Variants in FHL5 observed in about 807,000 individuals in gnomAD.
The protein encoded by FHL5 is four and a half LIM domains 5.
Under a neutral mutation model 32.0 loss-of-function variants are expected in FHL5, and 33 were observed. That is an observed-to-expected ratio of 1.03 (90% confidence interval 0.78 to 1.38). FHL5 has a LOEUF of 1.38. Ranked by LOEUF, FHL5 falls within the 40% of genes most tolerant of loss-of-function variation. The pLI is 0.00. For missense variants in FHL5, 336 were observed against 343.9 expected (o/e 0.98, Z 0.18); for synonymous variants, 114 against 113.6 (o/e 1.00, Z -0.02).
intron 1 of FHL5, among the ~76,000 whole-genome samples, chr6:96,581,868 G>C (rs967694491): frequency 2.0e-5 from 3 of 152,092 alleles, no homozygotes; most frequent in Non-Finnish European, 2.9e-5. Flanking sequence ...GAGGTGGAGG[G>C]GAATACTTGC....
rs1770286346 is a variant in FHL5, at chr6:96,563,297, C to T, written c.-71C>T. ...GCATGTGGATTGGAGGAAAAATAAT[C>T]AACATATATTCTCCTTTCGTACTGT... is the stretch of plus-strand genomic sequence containing the variant. On this transcript the variant is annotated 5_prime_UTR_variant, in exon 1 of 6. It introduces an in-frame stop codon into an upstream open reading frame of the 5' UTR. Transcript: ENST00000450218. 6.6e-6 allele frequency: 1 copy of T among 152,098 alleles called. No individual in the cohort carries two copies. The highest frequency in any genetic ancestry group is 2.4e-5 in the African/African-American group (1 of 41,412). 9.4% of individuals were successfully genotyped at this position (152,098 alleles called of 1,614,324 possible).
intron 5 of FHL5, 62 bp downstream of exon 5, chr6:96,610,820 C>T: frequency 8.3e-7 from 1 of 1,209,458 alleles, no homozygotes; most frequent in Non-Finnish European, 1.2e-6. Flanking sequence ...GAAACACTAT[C>T]TAGTTAATTT....
chr6:96,591,260 T>A (rs1441921438), intron 1 of FHL5, among the ~76,000 whole-genome samples: 2 of 152,160 alleles, frequency 1.3e-5, no homozygotes. Flanking sequence ...CTAATAGTTG[T>A]CATAATTTTT....
In FHL5 at chr6:96,618,227, C is replaced by G. The variant is rs1771561107; in HGVS notation, c.*2455C>G. Among the ~76,000 whole-genome samples the G allele has an allele frequency of 6.6e-6, 1 of 152,132 alleles. No individual in the cohort carries two copies. The highest frequency in any genetic ancestry group is 1.5e-5 in the Non-Finnish European group (1 of 68,024). Reference sequence around the variant, plus strand: ...GAGAAAAACTCCTTAATGGACTTATCCAAAGATGAAATGGACTGACTCAGG... The same window carrying G: ...GAGAAAAACTCCTTAATGGACTTATGCAAAGATGAAATGGACTGACTCAGG... On this transcript the variant is annotated 3_prime_UTR_variant, in exon 6 of 6. Coordinates refer to ENST00000450218, the MANE Select transcript of FHL5 (RefSeq NM_001322466.2).
At chr6:96,608,072 G>C (rs1170133364) in intron 4 of FHL5, among the ~76,000 whole-genome samples, 2 of 152,142 alleles carry the variant, frequency 1.3e-5, no homozygotes, top group African/African-American at 2.4e-5. Flanking sequence ...ACTGTTTTGA[G>C]AGACAACTGA....
At chr6:96,564,584 TC>T (rs1770313784) in intron 1 of FHL5, among the ~76,000 whole-genome samples, 1 of 152,182 alleles carries the variant, frequency 6.6e-6, no homozygotes, top group Non-Finnish European at 1.5e-5. Context: ...AATCTGTGTT[TC>T]TTACATAAGA....
chr6:96,580,582 A>T (rs1770678044), intron 1 of FHL5, among the ~76,000 whole-genome samples: 1 of 152,218 alleles, frequency 6.6e-6, no homozygotes, highest in Non-Finnish European at 1.5e-5. Context: ...AAAAAGACCC[A>T]GAAATGAACT....
intron 1 of FHL5, among the ~76,000 whole-genome samples, chr6:96,596,803 C>T (rs1582472468): frequency 6.6e-6 from 1 of 151,904 alleles, no homozygotes; most frequent in African/African-American, 2.4e-5. Context: ...TAGTTTAGTT[C>T]CTCAAATTCA....
chr6:96,599,027 T>C (rs770329603), intron 1 of FHL5, among the ~76,000 whole-genome samples: 8 of 151,996 alleles, frequency 5.3e-5, no homozygotes, highest in Non-Finnish European at 1.0e-4. Flanking sequence ...CTATTCATTC[T>C]GCATAGCATA....
At chr6:96,611,016 T>C (rs988806287) in intron 5 of FHL5, among the ~76,000 whole-genome samples, 5 of 152,142 alleles carry the variant, frequency 3.3e-5, no homozygotes, top group African/African-American at 1.2e-4. Context: ...GACTCTAACA[T>C]TCAAGGAAGG....
chr6:96,618,374 A>C lies in FHL5; in HGVS notation c.*2602A>C, dbSNP rs964906999. 2.6e-5 allele frequency among the ~76,000 whole-genome samples: 4 copies of C among 152,274 alleles called. No homozygotes were observed. Among genetic ancestry groups the C allele is most frequent in the Non-Finnish European group, 5.9e-5 (4 of 68,048 alleles). ...GAAGTAGCAGAGACTGCCGAAGAGCAGGAGAAAATAAGATTGCTAAAAGAG... is the reference window on the plus strand; with the variant it reads ...GAAGTAGCAGAGACTGCCGAAGAGCCGGAGAAAATAAGATTGCTAAAAGAG... On this transcript the variant is annotated 3_prime_UTR_variant, in exon 6 of 6. Coordinates refer to ENST00000450218, the MANE Select transcript of FHL5 (RefSeq NM_001322466.2).
In FHL5 at chr6:96,618,325, T is replaced by C. The variant is rs886084693; in HGVS notation, c.*2553T>C. Among the ~76,000 whole-genome samples, 10 of 152,296 alleles carry C rather than the reference T, an allele frequency of 6.6e-5. No individual in the cohort carries two copies. In the East Asian group the frequency reaches 1.5e-3, roughly 24 times the overall value. On this transcript the variant is annotated 3_prime_UTR_variant, in exon 6 of 6. Coordinates refer to ENST00000450218, the MANE Select transcript of FHL5 (RefSeq NM_001322466.2). ...AAAGAAGTTAAAAGCAAATCCCATG[T>C]GCCAATAACAACCAGATGGCTTGGA...
chr6:96,583,869 C>A (rs76159003), intron 1 of FHL5, among the ~76,000 whole-genome samples: 2,493 of 152,214 alleles, frequency 0.016, 60 homozygotes, highest in African/African-American at 0.047. Flanking sequence ...ATTAATTCAC[C>A]ATTCAAGTAA....
intron 3 of FHL5, 107 bp downstream of exon 3, chr6:96,605,031 G>A (rs181993493): frequency 6.4e-5 from 45 of 702,248 alleles, no homozygotes; most frequent in Non-Finnish European, 9.4e-5. Context: ...TTTTGAGAAA[G>A]ATATCTTTCT....
intron 5 of FHL5, among the ~76,000 whole-genome samples, chr6:96,614,456 A>G (rs1771475530): frequency 6.6e-6 from 1 of 152,198 alleles, no homozygotes; most frequent in Non-Finnish European, 1.5e-5. Context: ...ATGAACTACT[A>G]AATTATATAT....
intron 1 of FHL5, among the ~76,000 whole-genome samples, chr6:96,578,375 T>C (rs1770626882): frequency 6.6e-6 from 1 of 152,190 alleles, no homozygotes; most frequent in Non-Finnish European, 1.5e-5. Flanking sequence ...AGAGCAAAGC[T>C]GAGAGACAAA....
At chr6:96,588,231 G>A (rs1770841183) in intron 1 of FHL5, among the ~76,000 whole-genome samples, 1 of 151,518 alleles carries the variant, frequency 6.6e-6, no homozygotes, top group Non-Finnish European at 1.5e-5. Flanking sequence ...TTTTTTTTGA[G>A]ACGAAGTCTC....
At chr6:96,608,554 G>C (rs985355998) in intron 4 of FHL5, among the ~76,000 whole-genome samples, 3 of 152,028 alleles carry the variant, frequency 2.0e-5, no homozygotes, top group Non-Finnish European at 2.9e-5. Flanking sequence ...AAAATCCATA[G>C]ATTTTATTTT....
chr6:96,596,375 T>A (rs1771033973), intron 1 of FHL5, among the ~76,000 whole-genome samples: 1 of 152,166 alleles, frequency 6.6e-6, no homozygotes, highest in African/African-American at 2.4e-5. Flanking sequence ...GCAATGAGCA[T>A]CTTGTCACTC....
Sources: gnomAD v4.1 joint callset for allele counts (sites outside exome capture counted in the v4.1 genomes callset) on GRCh38, gnomAD v4.1.1 for gene constraint, MANE v1.5 for transcripts, NCBI Gene and HGNC (gene_info 2026-07-23, HGNC 2026-07-21) for gene names.